The following RNF135 variants were observed in gnomAD, a reference collection of about 807,000 sequenced individuals.
The protein encoded by RNF135 is ring finger protein 135, also known as E3 ubiquitin-protein ligase RNF135.
A neutral mutation model predicts 41.9 loss-of-function variants in RNF135; 46 were observed. That is an observed-to-expected ratio of 1.10 (90% CI 0.87 to 1.40). The LOEUF (loss-of-function observed/expected upper bound fraction) is 1.40. Among genes scored for constraint, RNF135 ranks in the 40% most tolerant of loss-of-function variants. The probability of loss-of-function intolerance (pLI) is 0.00; values close to 1 mark genes in which losing one functional copy is unlikely to be tolerated. For synonymous variants in RNF135, 238 were observed against 223.8 expected, an observed-to-expected ratio of 1.06 and a Z score of -0.57; for missense variants, 539 against 549.8, an observed-to-expected ratio of 0.98 and a Z score of 0.20.
At chr17:30,993,802 GAATT>G (rs1172253040) in intron 3 of RNF135, 20 of 936,580 alleles carry the variant, frequency 2.1e-5, no homozygotes, top group Middle Eastern at 3.2e-4. Flanking sequence ...GCATTCTGCT[GAATT>G]AATTAATTAA....
At chr17:30,997,522 C>CA (rs1349946657) in intron 4 of RNF135, 191 bp downstream of exon 4, 4 of 656,948 alleles carry the variant, frequency 6.1e-6, no homozygotes, top group African/African-American at 1.8e-5. Context: ...CAAGAGCACT[C>CA]AGAGTCCCGC....
intron 1 of RNF135, among the ~76,000 whole-genome samples, chr17:30,983,353 A>ATATATATATATATATATATTTTTT (rs1420453160): frequency 2.8e-5 from 1 of 35,744 alleles, no homozygotes; most frequent in Non-Finnish European, 5.4e-5. Flanking sequence ...ATATATATAT[A>ATATATATATATATATATATTTTTT]TTTTTTTTTT....
upstream of RNF135, among the ~76,000 whole-genome samples, chr17:30,967,778 G>C (rs559651908): frequency 2.0e-5 from 3 of 150,448 alleles, no homozygotes; most frequent in Non-Finnish European, 4.4e-5. Context: ...CTTGGCTCAT[G>C]GCAACCTTCA....
At chr17:30,989,086 T>C (rs578081579) in intron 3 of RNF135, among the ~76,000 whole-genome samples, 2 of 146,514 alleles carry the variant, frequency 1.4e-5, no homozygotes, top group East Asian at 4.7e-4. Context: ...ACAAAGCATA[T>C]AGGCCAAGTG....
intron 4 of RNF135, 106 bp downstream of exon 4, chr17:30,997,437 T>G (rs746915933): frequency 9.1e-5 from 89 of 974,260 alleles, no homozygotes; most frequent in Non-Finnish European, 1.2e-4. Context: ...CTTGGCTTAC[T>G]GCACATGGAT....
At chr17:30,970,977 A>G (rs1400152602), upstream of RNF135, 5 of 1,493,624 alleles carry the variant, frequency 3.3e-6, no homozygotes, top group Admixed American at 1.0e-4. Flanking sequence ...CGGCCGAGAA[A>G]AGGAGGAGGG....
At chr17:30,993,962 C>T (rs1358210212) in intron 3 of RNF135, 3 of 510,970 alleles carry the variant, frequency 5.9e-6, no homozygotes, top group Non-Finnish European at 1.0e-5. Context: ...TGCCACCACA[C>T]TCAGCTAATT....
Position 30,971,101 on chromosome 17 carries a change from GT to G in RNF135, c.30del (p.Val12CysfsTer116), listed in dbSNP as rs1905867518. MAGLGLGSAVPVWLAEDDLG... is the reference protein window; with the variant it reads MAGLGLGSAXPVWLAEDDLG... ...GGCGGGCCTGGGCCTGGGCTCCGCC[GT>G]TCCCGTGTGGCTGGCCGAGGACGAC... On this transcript the variant is annotated frameshift_variant, in exon 1 of 5. Transcript: ENST00000328381. LOFTEE classifies it high-confidence loss of function. The G allele has an allele frequency of 3.9e-6, 6 of 1,534,198 alleles. No homozygotes were observed. The Admixed American group carries it at 1.2e-4, about 30-fold the overall frequency.
At chr17:30,964,145 T>C in the RNF135 span, among the ~76,000 whole-genome samples, 1 of 152,110 alleles carries the variant, frequency 6.6e-6, no homozygotes, top group Middle Eastern at 3.2e-3. Context: ...CCTAGCACTT[T>C]GGGAGGCTGA....
chr17:30,991,905 TG>T (rs1908014623), intron 3 of RNF135, among the ~76,000 whole-genome samples: 1 of 152,118 alleles, frequency 6.6e-6, no homozygotes, highest in Non-Finnish European at 1.5e-5. Flanking sequence ...GGTTTTATAA[TG>T]CCATATAGAC....
At chr17:30,988,175 G>T (rs7220978) in intron 3 of RNF135, 69 bp downstream of exon 3, 2 of 1,456,810 alleles carry the variant, frequency 1.4e-6, no homozygotes, top group African/African-American at 2.8e-5. Flanking sequence ...AGTGCTCTAT[G>T]GCTTTGTTCT....
intron 2 of RNF135, among the ~76,000 whole-genome samples, chr17:30,985,170 C>T (rs968357172): frequency 1.3e-5 from 2 of 152,212 alleles, no homozygotes; most frequent in African/African-American, 4.8e-5. Context: ...AGTCTGTTTA[C>T]AGGCTCTCTC....
rs1411696145 is a variant in RNF135, at chr17:30,998,987, A to G, written c.1095A>G (p.Glu365=). 6.2e-7 allele frequency: 1 copy of G among 1,614,098 alleles called. No individual in the cohort carries two copies. Among genetic ancestry groups the G allele is most frequent in the East Asian group, 2.2e-5 (1 of 44,872 alleles). ...SQLSAWHMVK[E]TVLGSDRPGV... ...TCTCTGCATGGCACATGGTCAAGGA[A>G]ACTGTCCTTGGCTCAGACAGACCTG... Residue 365 remains glutamate, a synonymous_variant, in exon 5 of 5, where the codon GAA becomes GAG. Coordinates refer to ENST00000328381, the MANE Select transcript of RNF135 (RefSeq NM_032322.4).
intron 3 of RNF135, among the ~76,000 whole-genome samples, chr17:30,994,532 A>G (rs1188688102): frequency 6.6e-6 from 1 of 152,192 alleles, no homozygotes; most frequent in Non-Finnish European, 1.5e-5. Context: ...CCTCGGCAAC[A>G]ACAACAAAAA....
At position 30,999,478 on chromosome 17, in the gene RNF135, C is replaced by T. The variant is rs1296465619; in HGVS notation, c.*287C>T. The stretch of plus-strand genomic sequence containing the variant: ...AGGATGAACTTGGGATGTTTGAACC[C>T]TGGACATTCCAAATAAAGAATAGGC... On this transcript the variant is annotated 3_prime_UTR_variant, in exon 5 of 5. Coordinates refer to ENST00000328381, the MANE Select transcript of RNF135 (RefSeq NM_032322.4). 4.7e-6 allele frequency: 2 copies of T among 425,794 alleles called. No homozygotes were observed. The highest frequency in any genetic ancestry group is 2.0e-5 in the African/African-American group (1 of 50,274). 26.4% of individuals were successfully genotyped at this position (425,794 alleles called of 1,614,324 possible). A position where few individuals can be genotyped will look rare whatever the true frequency, so the allele number is the denominator to read the frequency against.
rs747313569 is a variant in RNF135 at position 30,988,125 on chromosome 17, T to C, written c.679+19T>C. 1.2e-6 allele frequency: 2 copies of C among 1,612,232 alleles called. No homozygotes were observed. The highest frequency in any genetic ancestry group is 2.2e-5 in the East Asian group (1 of 44,846). ...ATGCAGGGTGAGCTGATCTTATTTA[T>C]TGGAGGAGGATTAAATATGGAAGTT... On this transcript the variant is annotated intron_variant, in intron 3 of 4. Coordinates refer to ENST00000328381, the MANE Select transcript of RNF135 (RefSeq NM_032322.4).
Position 30,971,280 on chromosome 17 carries a change from G to A in RNF135, c.207G>A (p.Gln69=). 6.6e-7 allele frequency: 1 copy of A among 1,526,682 alleles called. No homozygotes were observed. Among genetic ancestry groups the A allele is most frequent in the Non-Finnish European group, 8.8e-7 (1 of 1,141,234 alleles). 94.6% of individuals were successfully genotyped at this position (1,526,682 alleles called of 1,614,324 possible). A position where few individuals can be genotyped will look rare whatever the true frequency, so the allele number is the denominator to read the frequency against. The change falls in exon 1 of 5, where the codon CAG becomes CAA. Residue 69 remains glutamine (Q), a synonymous_variant. Coordinates refer to ENST00000328381, the MANE Select transcript of RNF135 (RefSeq NM_032322.4). Reference sequence around the variant, plus strand: ...CTTGCCGCCAGGGCGCCGCGCAGCAGCCGCACCTGCGGAAGAACACGCTAC... The same window carrying A: ...CTTGCCGCCAGGGCGCCGCGCAGCAACCGCACCTGCGGAAGAACACGCTAC... ...CPTCRQGAAQ[Q]PHLRKNTLLQ... is the part of the protein sequence containing the mutation.
upstream of RNF135, chr17:30,970,860 C>A: frequency 1.5e-6 from 1 of 672,556 alleles, no homozygotes; most frequent in Non-Finnish European, 2.4e-6. Flanking sequence ...GAGGCCGCCA[C>A]TGAAGGTCAG....
rs1908571420 is a variant in RNF135 at position 30,999,100 on chromosome 17, C to T, written c.1208C>T (p.Thr403Ile). 6 of 1,614,098 alleles carry T rather than the reference C, an allele frequency of 3.7e-6. No homozygotes were observed. Among genetic ancestry groups the T allele is most frequent in the Non-Finnish European group, 5.1e-6 (6 of 1,180,016 alleles). The part of the protein sequence containing the change: ...DNQEKLLYEC[T>I]ISASSPLYPA... ...CAGGAGAAGCTTCTGTATGAGTGTA[C>T]CATCTCTGCCTCCTCTCCTTTGTAC... The change falls in exon 5 of 5, where the codon ACC becomes ATC. Residue 403 changes from threonine (T) to isoleucine (I), a missense_variant. Coordinates refer to ENST00000328381, the MANE Select transcript of RNF135 (RefSeq NM_032322.4).
Sources: gnomAD v4.1 joint callset for allele counts (sites outside exome capture counted in the v4.1 genomes callset) on GRCh38, gnomAD v4.1.1 for gene constraint, MANE v1.5 for transcripts, NCBI Gene and HGNC (gene_info 2026-07-23, HGNC 2026-07-21) for gene names.